NRG3: variants seen among roughly 807,000 people sequenced by gnomAD.
NRG3 encodes the protein neuregulin 3, also known as pro-neuregulin-3, membrane-bound isoform.
A neutral mutation model predicts 66.9 loss-of-function variants in NRG3; 31 were observed. The observed-to-expected ratio is 0.46, with a 90% CI of 0.35 to 0.63. The LOEUF is 0.63. NRG3 is among the 20% of genes least tolerant of loss of function. NRG3 has a pLI of 0.00. For synonymous variants in NRG3, 393 were observed against 359.4 expected, an observed-to-expected ratio of 1.09 and a Z score of -1.06; for missense variants, 910 against 878.9, an observed-to-expected ratio of 1.04 and a Z score of -0.45.
intron 2 of NRG3, among the ~76,000 whole-genome samples, chr10:82,471,192 C>T (rs1222560507): frequency 2.6e-5 from 4 of 152,148 alleles, no homozygotes; most frequent in Non-Finnish European, 4.4e-5. Flanking sequence ...TAGTGACTCT[C>T]AGCAAAGCAA....
intron 1 of NRG3, among the ~76,000 whole-genome samples, chr10:81,905,502 T>C (rs1255308861): frequency 6.6e-6 from 1 of 152,148 alleles, no homozygotes; most frequent in African/African-American, 2.4e-5. Flanking sequence ...TGAAAAACAA[T>C]ATTTTCTTTT....
At chr10:82,245,968 C>T (rs552535155) in intron 1 of NRG3, among the ~76,000 whole-genome samples, 35 of 143,802 alleles carry the variant, frequency 2.4e-4, no homozygotes, top group African/African-American at 8.5e-4. Context: ...GATTTTTTCC[C>T]AGTCTTCTGG....
intron 1 of NRG3, among the ~76,000 whole-genome samples, chr10:82,209,304 A>G (rs994294432): frequency 1.4e-4 from 21 of 151,542 alleles, no homozygotes; most frequent in African/African-American, 5.1e-4. Flanking sequence ...CTTTGAATAT[A>G]TTTTCAATAA....
intron 3 of NRG3, among the ~76,000 whole-genome samples, chr10:82,797,656 AC>A (rs1262454777): frequency 6.6e-5 from 10 of 152,104 alleles, no homozygotes; most frequent in African/African-American, 1.4e-4. Flanking sequence ...TTAACTCTTC[AC>A]TGCCACTCCC....
chr10:82,511,740 G>A (rs7096900), intron 2 of NRG3, among the ~76,000 whole-genome samples: 8,474 of 152,154 alleles, frequency 0.056, 518 homozygotes, highest in East Asian at 0.17. Flanking sequence ...AGCCTTGGAT[G>A]TCCTTGTTCT....
At chr10:82,048,522 G>T (rs1025083207) in intron 1 of NRG3, among the ~76,000 whole-genome samples, 1 of 150,906 alleles carries the variant, frequency 6.6e-6, no homozygotes, top group African/African-American at 2.4e-5. Flanking sequence ...CGAAATGAAG[G>T]CAGAAATAAA....
intron 2 of NRG3, among the ~76,000 whole-genome samples, chr10:82,368,565 T>C (rs2084686518): frequency 7.3e-6 from 1 of 137,822 alleles, no homozygotes; most frequent in Non-Finnish European, 1.5e-5. Flanking sequence ...ATTCCTGCTG[T>C]TGACCCTTCA....
intron 2 of NRG3, among the ~76,000 whole-genome samples, chr10:82,717,556 C>T (rs996150634): frequency 3.3e-5 from 5 of 151,928 alleles, no homozygotes; most frequent in East Asian, 1.9e-4. Context: ...CCCGCCACCA[C>T]GCTTGGTTAA....
intron 3 of NRG3, among the ~76,000 whole-genome samples, chr10:82,757,113 G>T (rs1009630216): frequency 1.3e-5 from 2 of 152,020 alleles, no homozygotes; most frequent in African/African-American, 2.4e-5. Context: ...TGATGCACAG[G>T]ATTTGCTCTG....
chr10:82,136,063 G>A (rs2069320781), intron 1 of NRG3, among the ~76,000 whole-genome samples: 1 of 152,074 alleles, frequency 6.6e-6, no homozygotes, highest in African/African-American at 2.4e-5. Context: ...CAGCATTAGG[G>A]GACACACCAA....
intron 3 of NRG3, among the ~76,000 whole-genome samples, chr10:82,773,087 C>T (rs926337600): frequency 6.6e-6 from 1 of 152,058 alleles, no homozygotes; most frequent in Non-Finnish European, 1.5e-5. Flanking sequence ...ATTTCATCTC[C>T]TTTATGTATA....
chr10:82,116,777 C>T (rs74826502), intron 1 of NRG3, among the ~76,000 whole-genome samples: 1,981 of 152,222 alleles, frequency 0.013, 32 homozygotes, highest in African/African-American at 0.046. Context: ...AACCCCAGTT[C>T]ACCCAGTCCA....
chr10:82,241,838 A>G (rs1303928021), intron 1 of NRG3, among the ~76,000 whole-genome samples: 2 of 152,176 alleles, frequency 1.3e-5, no homozygotes, highest in Admixed American at 1.3e-4. Context: ...ATATTTGTCA[A>G]TTACCATCTG....
chr10:81,923,544 A>G (rs980922674), intron 1 of NRG3, among the ~76,000 whole-genome samples: 6 of 152,130 alleles, frequency 3.9e-5, no homozygotes, highest in Admixed American at 3.9e-4. Context: ...CAAAGCCTTC[A>G]TGCGCTGACT....
At chr10:82,555,815 T>C (rs970681068) in intron 2 of NRG3, among the ~76,000 whole-genome samples, 5 of 152,232 alleles carry the variant, frequency 3.3e-5, no homozygotes, top group Non-Finnish European at 5.9e-5. Flanking sequence ...TAGTTTAGAA[T>C]TTCTCATTTT....
chr10:82,345,684 T>G (rs2135438051), intron 1 of NRG3, among the ~76,000 whole-genome samples: 1 of 152,026 alleles, frequency 6.6e-6, no homozygotes, highest in Non-Finnish European at 1.5e-5. Flanking sequence ...TATTGATTCT[T>G]CCTACCCATG....
At chr10:82,040,801 T>A (rs2062998790) in intron 1 of NRG3, among the ~76,000 whole-genome samples, 1 of 152,022 alleles carries the variant, frequency 6.6e-6, no homozygotes, top group Admixed American at 6.6e-5. Context: ...GATTTATAGT[T>A]CTCCTCTCCC....
At chr10:81,943,317 G>A (rs1440239801) in intron 1 of NRG3, among the ~76,000 whole-genome samples, 1 of 152,124 alleles carries the variant, frequency 6.6e-6, no homozygotes, top group Non-Finnish European at 1.5e-5. Context: ...GGACTTTGAG[G>A]CTGCAGTGGG....
chr10:82,817,928 T>C (rs2061783405), intron 3 of NRG3, among the ~76,000 whole-genome samples: 1 of 152,116 alleles, frequency 6.6e-6, no homozygotes, highest in Non-Finnish European at 1.5e-5. Flanking sequence ...GATAAATAAG[T>C]GTGATGAAGG....
Sources: gnomAD v4.1 joint callset for allele counts (sites outside exome capture counted in the v4.1 genomes callset) on GRCh38, gnomAD v4.1.1 for gene constraint, MANE v1.5 for transcripts, NCBI Gene and HGNC (gene_info 2026-07-23, HGNC 2026-07-21) for gene names.